KCND2: variants seen among roughly 807,000 people sequenced by gnomAD.
KCND2 encodes potassium voltage-gated channel subfamily D member 2, also known as A-type voltage-gated potassium channel KCND2.
A neutral mutation model predicts 54.4 loss-of-function variants in KCND2; 16 were observed. The ratio of observed to expected loss-of-function variants is 0.29; its 90% CI spans 0.20 to 0.45. The LOEUF is 0.45. Ranked by LOEUF, KCND2 falls within the 20% of genes least tolerant of loss-of-function variation. The pLI is 1.00. For synonymous variants in KCND2, 317 were observed against 310.7 expected (o/e 1.02, Z -0.21); for missense variants, 486 against 824.2 (o/e 0.59, Z 5.02).
At chr7:120,286,842 C>A (rs1196458135) in intron 1 of KCND2, among the ~76,000 whole-genome samples, 1 of 151,952 alleles carries the variant, frequency 6.6e-6, no homozygotes, top group East Asian at 1.9e-4. Flanking sequence ...GGAGGAGTTG[C>A]AACAGTTTAT....
intron 1 of KCND2, among the ~76,000 whole-genome samples, chr7:120,445,775 G>A (rs914848843): frequency 1.3e-5 from 2 of 151,862 alleles, no homozygotes; most frequent in East Asian, 1.9e-4. Flanking sequence ...TATATATGAA[G>A]GAAAAGGAAA....
intron 1 of KCND2, among the ~76,000 whole-genome samples, chr7:120,482,535 C>T (rs1156542875): frequency 6.6e-6 from 1 of 152,124 alleles, no homozygotes; most frequent in Non-Finnish European, 1.5e-5. Context: ...TCTCATGAAA[C>T]AGTGTTGAAA....
chr7:120,531,667 T>A (rs1469906403), intron 1 of KCND2, among the ~76,000 whole-genome samples: 3 of 152,140 alleles, frequency 2.0e-5, no homozygotes, highest in African/African-American at 7.2e-5. Context: ...GGGTCACCAG[T>A]AACATCAATG....
intron 1 of KCND2, among the ~76,000 whole-genome samples, chr7:120,538,863 A>G (rs1233329685): frequency 1.3e-5 from 2 of 152,132 alleles, no homozygotes; most frequent in Admixed American, 6.5e-5. Flanking sequence ...GGGGCTGTGG[A>G]TATACAGGCT....
intron 1 of KCND2, among the ~76,000 whole-genome samples, chr7:120,721,325 G>A (rs1271322654): frequency 2.0e-5 from 3 of 152,192 alleles, no homozygotes; most frequent in African/African-American, 7.2e-5. Flanking sequence ...ACCTTAGTTT[G>A]TATAGTTAAT....
intron 1 of KCND2, among the ~76,000 whole-genome samples, chr7:120,427,974 C>G (rs1242324612): frequency 2.0e-5 from 3 of 152,082 alleles, no homozygotes; most frequent in African/African-American, 7.2e-5. Context: ...ATCTGGCAAA[C>G]TCTAGCTGAT....
intron 1 of KCND2, among the ~76,000 whole-genome samples, chr7:120,381,531 A>G (rs945861403): frequency 6.6e-5 from 10 of 152,100 alleles, no homozygotes; most frequent in Non-Finnish European, 2.9e-5. Flanking sequence ...TTAATTTGAT[A>G]TAATGTGAGG....
At chr7:120,451,737 T>C (rs1047660608) in intron 1 of KCND2, among the ~76,000 whole-genome samples, 8 of 152,226 alleles carry the variant, frequency 5.3e-5, no homozygotes, top group African/African-American at 1.9e-4. Flanking sequence ...CCAATCAATC[T>C]GCACTGACCA....
upstream of KCND2, among the ~76,000 whole-genome samples, chr7:120,273,152 G>A (rs1009672667): frequency 1.3e-5 from 2 of 152,212 alleles, no homozygotes; most frequent in Admixed American, 1.3e-4. Flanking sequence ...GTCAAGCCGA[G>A]GGAAAGGCAG....
chr7:120,275,804 AC>A (rs1799164944), intron 1 of KCND2, 57 bp downstream of exon 1: 1 of 1,563,112 alleles, frequency 6.4e-7, no homozygotes, highest in Admixed American at 1.7e-5. Flanking sequence ...GCGATTGTGG[AC>A]CCATCGAGGT....
At chr7:120,308,064 T>C (rs1192285524) in intron 1 of KCND2, among the ~76,000 whole-genome samples, 1 of 152,068 alleles carries the variant, frequency 6.6e-6, no homozygotes, top group Non-Finnish European at 1.5e-5. Flanking sequence ...TGGACAATTA[T>C]AAATTTGACA....
intron 1 of KCND2, among the ~76,000 whole-genome samples, chr7:120,627,469 T>C (rs1793177778): frequency 6.6e-6 from 1 of 152,194 alleles, no homozygotes; most frequent in Non-Finnish European, 1.5e-5. Flanking sequence ...ATTCAAAGTA[T>C]TGATTTATAT....
chr7:120,290,242 T>C (rs910095961), intron 1 of KCND2, among the ~76,000 whole-genome samples: 3 of 152,050 alleles, frequency 2.0e-5, no homozygotes. Context: ...TAACCCTTTC[T>C]AGCCACTTCT....
chr7:120,285,096 G>A (rs985541745), intron 1 of KCND2, among the ~76,000 whole-genome samples: 4 of 152,080 alleles, frequency 2.6e-5, no homozygotes, highest in Non-Finnish European at 5.9e-5. Context: ...GAAATAAAGC[G>A]TAGCAGTTGT....
intron 1 of KCND2, chr7:120,464,159 G>C (rs984564472): frequency 1.2e-6 from 1 of 824,264 alleles, no homozygotes; most frequent in African/African-American, 1.9e-5. Context: ...TGTATTGTCA[G>C]GGTTTTTGCC....
chr7:120,724,398 CA>C, intron 1 of KCND2, among the ~76,000 whole-genome samples: 1 of 152,196 alleles, frequency 6.6e-6, no homozygotes, highest in South Asian at 2.1e-4. Flanking sequence ...GGAAATTACC[CA>C]AAGGATTTAT....
chr7:120,693,647 T>G (rs77867022), intron 1 of KCND2, among the ~76,000 whole-genome samples: 10,850 of 152,162 alleles, frequency 0.071, 833 homozygotes, highest in East Asian at 0.42. Flanking sequence ...GATCTAGCTC[T>G]GTATTTGCTA....
intron 1 of KCND2, among the ~76,000 whole-genome samples, chr7:120,686,632 A>G (rs1188193465): frequency 1.3e-5 from 2 of 152,140 alleles, no homozygotes; most frequent in East Asian, 1.9e-4. Flanking sequence ...ATTCGAGTGC[A>G]TGGTTTGACC....
intron 1 of KCND2, among the ~76,000 whole-genome samples, chr7:120,591,307 A>G (rs1792669039): frequency 6.6e-6 from 1 of 152,218 alleles, no homozygotes; most frequent in African/African-American, 2.4e-5. Flanking sequence ...TTCACTAAGT[A>G]TCATCGGTAG....
Sources: allele counts gnomAD v4.1 joint callset (sites outside exome capture counted in the v4.1 genomes callset), GRCh38; gene constraint gnomAD v4.1.1; transcripts MANE v1.5; gene names NCBI Gene and HGNC (gene_info 2026-07-23, HGNC 2026-07-21).